Variants in ANKS1B observed in about 807,000 individuals in gnomAD.
ANKS1B encodes the protein ankyrin repeat and sterile alpha motif domain containing 1B, also known as ankyrin repeat and sterile alpha motif domain-containing protein 1B.
ANKS1B carries 36 observed loss-of-function variants against 148.3 expected under a neutral mutation model. The ratio of observed to expected loss-of-function variants is 0.24; its 90% CI spans 0.19 to 0.32. The LOEUF (loss-of-function observed/expected upper bound fraction) is 0.32, where lower values mean the gene tolerates loss of function less well. Among genes scored for constraint, ANKS1B ranks in the 10% least tolerant of loss-of-function variants. ANKS1B has a pLI of 1.00. For synonymous variants in ANKS1B, 542 were observed against 560.8 expected (o/e 0.97, Z 0.47); for missense variants, 1,157 against 1,542.6 (o/e 0.75, Z 4.19).
chr12:99,972,002 G>A (rs974759020), intron 1 of ANKS1B, among the ~76,000 whole-genome samples: 1 of 152,136 alleles, frequency 6.6e-6, no homozygotes, highest in Admixed American at 6.5e-5. Context: ...TGTGTCACAT[G>A]TTGGTAATTC....
At chr12:99,044,046 T>A (rs1210044520) in intron 17 of ANKS1B, among the ~76,000 whole-genome samples, 4 of 152,256 alleles carry the variant, frequency 2.6e-5, no homozygotes, top group Admixed American at 2.6e-4. Context: ...TACAGTGGCA[T>A]GAACAGTGTT....
At chr12:99,693,287 G>A (rs192027007) in intron 8 of ANKS1B, among the ~76,000 whole-genome samples, 63 of 152,268 alleles carry the variant, frequency 4.1e-4, no homozygotes, top group Admixed American at 1.4e-3. Flanking sequence ...ATATTTAAAT[G>A]GTAGACTTAA....
At chr12:99,526,643 G>C (rs1177601039) in intron 9 of ANKS1B, among the ~76,000 whole-genome samples, 1 of 152,112 alleles carries the variant, frequency 6.6e-6, no homozygotes, top group Non-Finnish European at 1.5e-5. Flanking sequence ...TTGATTCTTA[G>C]ATAAGCCTTG....
intron 17 of ANKS1B, among the ~76,000 whole-genome samples, chr12:98,968,537 G>C (rs1307643638): frequency 1.3e-5 from 2 of 152,200 alleles, no homozygotes; most frequent in African/African-American, 4.8e-5. Flanking sequence ...GAAGTCCACT[G>C]TGGTTTCCTT....
intron 8 of ANKS1B, among the ~76,000 whole-genome samples, chr12:99,678,089 G>C (rs1273548705): frequency 6.6e-6 from 1 of 152,118 alleles, no homozygotes; most frequent in Admixed American, 6.5e-5. Context: ...ACTCTGTTGT[G>C]GTGTACCTTA....
At chr12:99,513,802 G>C (rs10860451) in intron 9 of ANKS1B, among the ~76,000 whole-genome samples, 20,880 of 151,954 alleles carry the variant, frequency 0.14, 3,485 homozygotes, top group African/African-American at 0.4. Context: ...AACTTCCAAA[G>C]TATCTTCTTT....
At chr12:98,803,594 T>C (rs1169933047) in intron 20 of ANKS1B, among the ~76,000 whole-genome samples, 1 of 152,144 alleles carries the variant, frequency 6.6e-6, no homozygotes, top group Non-Finnish European at 1.5e-5. Flanking sequence ...GTGAACCCTA[T>C]TACAGTTCAG....
At chr12:99,503,590 G>C (rs1481955913) in intron 10 of ANKS1B, among the ~76,000 whole-genome samples, 1 of 151,810 alleles carries the variant, frequency 6.6e-6, no homozygotes, top group Non-Finnish European at 1.5e-5. Flanking sequence ...TTCTTCTTAT[G>C]TTACTATCAT....
At chr12:99,582,488 C>A (rs778658183) in intron 9 of ANKS1B, among the ~76,000 whole-genome samples, 15 of 151,988 alleles carry the variant, frequency 9.9e-5, no homozygotes, top group Non-Finnish European at 1.5e-4. Flanking sequence ...GTTCAATATC[C>A]ATAAAAAATA....
At chr12:99,542,959 C>T (rs2097140516) in intron 9 of ANKS1B, among the ~76,000 whole-genome samples, 1 of 151,958 alleles carries the variant, frequency 6.6e-6, no homozygotes, top group African/African-American at 2.4e-5. Flanking sequence ...ACCAAAATAA[C>T]AAGTAACAAA....
At chr12:99,638,508 T>C (rs2098267040) in intron 9 of ANKS1B, among the ~76,000 whole-genome samples, 1 of 152,034 alleles carries the variant, frequency 6.6e-6, no homozygotes, top group Non-Finnish European at 1.5e-5. Flanking sequence ...TTGTAGAACT[T>C]TGAATGTGAG....
chr12:98,860,234 T>C (rs2099592023), intron 17 of ANKS1B, among the ~76,000 whole-genome samples: 1 of 152,252 alleles, frequency 6.6e-6, no homozygotes, highest in Non-Finnish European at 1.5e-5. Context: ...AAATATATTC[T>C]ATGAACAAAG....
At chr12:99,426,575 A>C (rs1332145878) in intron 11 of ANKS1B, among the ~76,000 whole-genome samples, 3 of 152,206 alleles carry the variant, frequency 2.0e-5, no homozygotes, top group African/African-American at 7.2e-5. Flanking sequence ...GAATCCAAGA[A>C]GAGAAATTTC....
Position 98,801,251 on chromosome 12 carries a change from T to A in ANKS1B, c.3142-126A>T. On this transcript the variant is annotated intron_variant, in intron 20 of 26. Coordinates refer to ENST00000683438, the MANE Select transcript of ANKS1B (RefSeq NM_001352186.2). The surrounding 1 kb of genome is among the most constrained non-coding windows in gnomAD (Gnocchi z 5.2). ...CCAAAATGCATTTGGGTGTCTTATG[T>A]GAATATAAATACTTGGTTATTACAT... 1 of 807,574 alleles carries A rather than the reference T, an allele frequency of 1.2e-6. No homozygotes were observed. The highest frequency in any genetic ancestry group is 1.9e-6 in the Non-Finnish European group (1 of 536,872). 50.0% of individuals were successfully genotyped at this position (807,574 alleles called of 1,614,324 possible). A position where few individuals can be genotyped will look rare whatever the true frequency, so the allele number is the denominator to read the frequency against.
rs1440232930 is a variant in ANKS1B, at chr12:99,531,771, G to C, written c.1273-27130C>G. 2.0e-5 allele frequency among the ~76,000 whole-genome samples: 3 copies of C among 152,270 alleles called. No individual in the cohort carries two copies. The East Asian group carries it at 5.8e-4, about 29-fold the overall frequency. ...AGATGTGCTTTTAGTTCTCTGAAAA[G>C]TTGCCACACTGTTTTCCATAGAGGT... On this transcript the variant is annotated intron_variant, in intron 9 of 26. Transcript: ENST00000683438.
At chr12:99,916,933 T>C (rs2094189574) in intron 1 of ANKS1B, among the ~76,000 whole-genome samples, 1 of 152,204 alleles carries the variant, frequency 6.6e-6, no homozygotes, top group Non-Finnish European at 1.5e-5. Flanking sequence ...CAATTTGACA[T>C]TGCTGTAATA....
chr12:99,381,542 G>A (rs1489766705), intron 12 of ANKS1B, among the ~76,000 whole-genome samples: 1 of 152,174 alleles, frequency 6.6e-6, no homozygotes, highest in Non-Finnish European at 1.5e-5. Flanking sequence ...TAGTGGAGGG[G>A]CACATGCAGA....
chr12:99,049,058 G>A (rs1049338270), intron 17 of ANKS1B: 13 of 152,140 alleles, frequency 8.5e-5, no homozygotes, highest in Admixed American at 3.9e-4. Context: ...TGAAGCCTTC[G>A]GCTTTGATTA....
chr12:99,138,949 TTC>T (rs762171332), intron 15 of ANKS1B, among the ~76,000 whole-genome samples: 4 of 151,784 alleles, frequency 2.6e-5, no homozygotes, highest in South Asian at 2.1e-4. Context: ...TTCTTTTTCT[TTC>T]TCTCTCTTTT....
Sources: allele counts gnomAD v4.1 joint callset (sites outside exome capture counted in the v4.1 genomes callset), GRCh38; gene constraint gnomAD v4.1.1; non-coding constraint Gnocchi (gnomAD v3.1); transcripts MANE v1.5; gene names NCBI Gene and HGNC (gene_info 2026-07-23, HGNC 2026-07-21).